The following OR6J1 variants were observed in gnomAD, a reference collection of about 807,000 sequenced individuals.
OR6J1 encodes olfactory receptor family 6 subfamily J member 1, also known as olfactory receptor 6J1.
For missense variants in OR6J1, 304 were observed against 166.8 expected (o/e 1.82, Z -4.53); for synonymous variants, 109 against 70.0 (o/e 1.56, Z -2.78).
Position 22,634,525 on chromosome 14 carries a change from C to T in OR6J1, c.287G>A (p.Cys96Tyr), listed in dbSNP as rs2037570276. 8.5e-6 allele frequency: 6 copies of T among 703,804 alleles called. No homozygotes were observed. The highest frequency in any genetic ancestry group is 2.7e-5 in the East Asian group (1 of 37,312). The allele number at this position is 703,804 out of a possible 1,614,324, so 43.6% of individuals were successfully genotyped here. A position where few individuals can be genotyped will look rare whatever the true frequency, so the allele number is the denominator to read the frequency against. ...SRDKTISFAG[C>Y]ITQCYFYFFL... ...AAAGTAGAAATAGCACTGGGTGATA[C>T]ATCCGGCAAAGGAGATGGTTTTATC... is the stretch of plus-strand genomic sequence containing the variant. The change falls in exon 2 of 2, where the codon TGT (cysteine) becomes TAT (tyrosine). Residue 96 changes from cysteine (C) to tyrosine (Y), a missense_variant. Coordinates refer to ENST00000540461, the MANE Select transcript of OR6J1 (RefSeq NM_001348233.2).
intron 1 of OR6J1, among the ~76,000 whole-genome samples, chr14:22,638,717 C>G (rs1363948875): frequency 6.6e-6 from 1 of 152,010 alleles, no homozygotes; most frequent in African/African-American, 2.4e-5. Flanking sequence ...TTTATACCCA[C>G]TATATTGTCA....
At position 22,634,191 on chromosome 14, in the gene OR6J1, G is replaced by C; in HGVS notation, c.621C>G (p.Leu207=). 2 of 703,504 alleles carry C rather than the reference G, an allele frequency of 2.8e-6. No homozygotes were observed. The highest frequency in any genetic ancestry group is 4.0e-5 in the Admixed American group (2 of 50,020). 43.6% of individuals were successfully genotyped at this position (703,504 alleles called of 1,614,324 possible). The change falls in exon 2 of 2, where the codon CTC becomes CTG. Residue 207 remains leucine (L), a synonymous_variant. Coordinates refer to ENST00000540461, the MANE Select transcript of OR6J1 (RefSeq NM_001348233.2). ...AATAGGCCACGAGGACTATGCAGCA[G>C]AGGATGACCATGGAAGAAAGCATAA... ...MDFMLSSMVI[L]CCIVLVAYSY...
chr14:22,643,756 CACACACACAG>C (rs1210271891), intron 1 of OR6J1, among the ~76,000 whole-genome samples: 48 of 73,142 alleles, frequency 6.6e-4, no homozygotes, highest in African/African-American at 1.7e-3. Flanking sequence ...CACACACACA[CACACACACAG>C]AGAGAGAGAG....
rs1450408576 is a variant in OR6J1, at chr14:22,641,250, AAAGAAAGAAAGAAAGAAAGG to A, written c.-28+2828_-28+2847del. 2.9e-3 allele frequency among the ~76,000 whole-genome samples: 117 copies of A among 39,906 alleles called. 9 individuals are homozygous for A. The highest frequency in any genetic ancestry group is 2.0e-3 in the African/African-American group (22 of 11,058). 26.2% of individuals were successfully genotyped at this position (39,906 alleles called of 152,430 possible). A position where few individuals can be genotyped will look rare whatever the true frequency, so the allele number is the denominator to read the frequency against. On this transcript the variant is annotated intron_variant, in intron 1 of 1. Transcript: ENST00000540461. The stretch of plus-strand genomic sequence containing the variant: ...GAAAGAAAGAAAGAAAGAAAGAAAG[AAAGAAAGAAAGAAAGAAAGG>A]AAGGAAGGAAGAAAGAGAAGAAAGA...
intron 1 of OR6J1, among the ~76,000 whole-genome samples, chr14:22,640,122 G>A (rs2037631924): frequency 6.7e-6 from 1 of 148,602 alleles, no homozygotes; most frequent in African/African-American, 2.5e-5. Context: ...TCTACTCCTA[G>A]GTAGAGAAAC....
At chr14:22,634,892 C>G in intron 1 of OR6J1, 54 bp from the exon 2 acceptor site, 1 of 592,626 alleles carries the variant, frequency 1.7e-6, no homozygotes. Context: ...GATGAAACCC[C>G]ATGGCTGCTC....
chr14:22,640,292 G>T (rs1466906861), intron 1 of OR6J1, among the ~76,000 whole-genome samples: 1 of 64,636 alleles, frequency 1.5e-5, no homozygotes, highest in Non-Finnish European at 4.0e-5. Context: ...GAAGGAAAGG[G>T]GGAAGGGAGG....
intron 1 of OR6J1, among the ~76,000 whole-genome samples, chr14:22,642,345 A>G (rs2037658867): frequency 1.2e-5 from 1 of 85,136 alleles, no homozygotes; most frequent in African/African-American, 4.2e-5. Flanking sequence ...ATATATATAT[A>G]TATATATATT....
intron 1 of OR6J1, among the ~76,000 whole-genome samples, chr14:22,640,249 G>A (rs1489031115): frequency 4.9e-5 from 5 of 101,738 alleles, no homozygotes; most frequent in Admixed American, 4.0e-4. Context: ...ATGGAAGGAA[G>A]GAAGGAAGCA....
rs376146733 is a variant in OR6J1, at chr14:22,641,383, AAG to A, written c.-28+2713_-28+2714del. Among the ~76,000 whole-genome samples, 219 of 49,926 alleles carry A rather than the reference AAG, an allele frequency of 4.4e-3. 6 individuals are homozygous for A. Among genetic ancestry groups the A allele is most frequent in the African/African-American group, 8.7e-3 (106 of 12,124 alleles). 32.8% of individuals were successfully genotyped at this position (49,926 alleles called of 152,430 possible). A position where few individuals can be genotyped will look rare whatever the true frequency, so the allele number is the denominator to read the frequency against. ...AAAGAAAGGGGGGAGAGAAGAAAGAAAGAGAGAGAGAGAGAAAGGAAGGATGG... is the reference window on the plus strand; with the variant it reads ...AAAGAAAGGGGGGAGAGAAGAAAGAAAGAGAGAGAGAGAAAGGAAGGATGG... On this transcript the variant is annotated intron_variant, in intron 1 of 1. Coordinates refer to ENST00000540461, the MANE Select transcript of OR6J1 (RefSeq NM_001348233.2).
At chr14:22,639,189 A>G (rs2037622108) in intron 1 of OR6J1, among the ~76,000 whole-genome samples, 4 of 116,952 alleles carry the variant, frequency 3.4e-5, no homozygotes, top group Non-Finnish European at 1.7e-5. Flanking sequence ...CTGGGAAGTG[A>G]GGAGCGTCTC....
rs943907239 is a variant in OR6J1, at chr14:22,644,207, A to T, written c.-137T>A. ...TATCTTGACCAAAAAGCCACAGTGCATTCCACATGAGAGCAGCAGTGTTTG... is the reference window on the plus strand; with the variant it reads ...TATCTTGACCAAAAAGCCACAGTGCTTTCCACATGAGAGCAGCAGTGTTTG... On this transcript the variant is annotated 5_prime_UTR_variant, in exon 1 of 2. The change abolishes an upstream ATG in the 5' untranslated region. Coordinates refer to ENST00000540461, the MANE Select transcript of OR6J1 (RefSeq NM_001348233.2). 6.6e-6 allele frequency: 1 copy of T among 152,310 alleles called. No individual in the cohort carries two copies. Among genetic ancestry groups the T allele is most frequent in the East Asian group, 1.9e-4 (1 of 5,202 alleles). 9.4% of individuals were successfully genotyped at this position (152,310 alleles called of 1,614,324 possible).
chr14:22,633,846 T>G lies in OR6J1; in HGVS notation c.966A>C (p.Arg322Ser). ...CTTGGTGGTCTTTGTTGGAGGATAA[T>G]CTGCTTCTCAGCACTGCCCTCATCC... is the stretch of plus-strand genomic sequence containing the variant. The part of the protein sequence containing the change: ...EKRMRAVLRS[R>S]LSSNKDHQGR... The change falls in exon 2 of 2, where the codon AGA (arginine) becomes AGC (serine). Residue 322 changes from arginine (R) to serine (S), a missense_variant. Coordinates refer to ENST00000540461, the MANE Select transcript of OR6J1 (RefSeq NM_001348233.2). The G allele has an allele frequency of 1.4e-6, 1 of 702,746 alleles. No homozygotes were observed. Among genetic ancestry groups the G allele is most frequent in the Non-Finnish European group, 2.6e-6 (1 of 384,780 alleles). 43.5% of individuals were successfully genotyped at this position (702,746 alleles called of 1,614,324 possible).
At position 22,633,808 on chromosome 14, in the gene OR6J1, G is replaced by A. The variant is rs114013043; in HGVS notation, c.1004C>T (p.Ser335Phe). Reference protein sequence around the residue: ...SNKDHQGRACSSPPCVYSVKL... With the variant: ...SNKDHQGRACFSPPCVYSVKL... ...TACAGAATAGACACATGGTGGAGAA[G>A]AGCAAGCCCTTCCTTGGTGGTCTTT... The change falls in exon 2 of 2, where the codon TCT becomes TTT. Residue 335 changes from serine to phenylalanine, a missense_variant. Physicochemically the swap from Ser to Phe is radical, Grantham distance 155 (BLOSUM62 -2). Coordinates refer to ENST00000540461, the MANE Select transcript of OR6J1 (RefSeq NM_001348233.2). The A allele has an allele frequency of 6.0e-4, 417 of 699,978 alleles. 2 individuals are homozygous for A. In the African/African-American group the frequency reaches 6.1e-3, roughly 10 times the overall value. The allele number at this position is 699,978 out of a possible 1,614,324, so 43.4% of individuals were successfully genotyped here. A position where few individuals can be genotyped will look rare whatever the true frequency, so the allele number is the denominator to read the frequency against.
rs71421135 is a variant in OR6J1, at chr14:22,642,312, A to AATATAT, written c.-28+1780_-28+1785dup. On this transcript the variant is annotated intron_variant, in intron 1 of 1. Coordinates refer to ENST00000540461, the MANE Select transcript of OR6J1 (RefSeq NM_001348233.2). ...TGTCCATCACCACAATCAACTTAAG[A>AATATAT]ATATATATATATATATATATATATA... 7.8e-3 allele frequency among the ~76,000 whole-genome samples: 846 copies of AATATAT among 108,962 alleles called. 16 individuals are homozygous for AATATAT. Among genetic ancestry groups the AATATAT allele is most frequent in the African/African-American group, 0.01 (244 of 24,390 alleles). 71.5% of individuals were successfully genotyped at this position (108,962 alleles called of 152,430 possible). A position where few individuals can be genotyped will look rare whatever the true frequency, so the allele number is the denominator to read the frequency against.
At chr14:22,640,978 G>A (rs1415444452) in intron 1 of OR6J1, among the ~76,000 whole-genome samples, 1 of 151,184 alleles carries the variant, frequency 6.6e-6, no homozygotes, top group African/African-American at 2.4e-5. Context: ...AGACTAGCCT[G>A]GGCAACATGG....
chr14:22,633,742 C>G lies in OR6J1; in HGVS notation c.*26G>C. 1 of 642,900 alleles carries G rather than the reference C, an allele frequency of 1.6e-6. No homozygotes were observed. Among genetic ancestry groups the G allele is most frequent in the Non-Finnish European group, 2.8e-6 (1 of 359,594 alleles). 39.8% of individuals were successfully genotyped at this position (642,900 alleles called of 1,614,324 possible). ...TTCAGAATTCCTTAGCTAGCTCACT[C>G]TTTCACTAAGGCAGCTCCTCTCTTT... On this transcript the variant is annotated 3_prime_UTR_variant, in exon 2 of 2. Transcript: ENST00000540461.
chr14:22,641,010 A>G (rs2037640890), intron 1 of OR6J1, among the ~76,000 whole-genome samples: 1 of 151,108 alleles, frequency 6.6e-6, no homozygotes, highest in East Asian at 1.9e-4. Flanking sequence ...CTCTATGAAA[A>G]ATACAAAAAT....
intron 1 of OR6J1, among the ~76,000 whole-genome samples, chr14:22,638,042 C>G (rs1283358695): frequency 1.0e-5 from 1 of 99,058 alleles, no homozygotes; most frequent in East Asian, 2.6e-4. Context: ...GGGGTCAGCC[C>G]CCCGCCTGGC....
Sources: gnomAD v4.1 joint callset for allele counts (sites outside exome capture counted in the v4.1 genomes callset) on GRCh38, gnomAD v4.1.1 for gene constraint, MANE v1.5 for transcripts, NCBI Gene and HGNC (gene_info 2026-07-23, HGNC 2026-07-21) for gene names.